The following ADGRL4 variants were observed in gnomAD, a reference collection of about 807,000 sequenced individuals.
The protein encoded by ADGRL4 is EGF, latrophilin and seven transmembrane domain containing 1.
A neutral mutation model predicts 74.8 loss-of-function variants in ADGRL4; 90 were observed. The ratio of observed to expected loss-of-function variants is 1.20; its 90% CI spans 1.02 to 1.43. The LOEUF is 1.43. ADGRL4 is among the 40% of genes most tolerant of loss of function. ADGRL4 has a pLI of 0.00. For missense variants in ADGRL4, 881 were observed against 814.3 expected (o/e 1.08, Z -1.00); for synonymous variants, 311 against 279.2 (o/e 1.11, Z -1.14).
chr1:78,991,163 T>A (rs1310396213), intron 2 of ADGRL4, among the ~76,000 whole-genome samples: 1 of 152,102 alleles, frequency 6.6e-6, no homozygotes, highest in Non-Finnish European at 1.5e-5. Context: ...AGACTTACGA[T>A]GTGTTCTTGT....
At position 78,889,924 on chromosome 1, in the gene ADGRL4, C is replaced by T; in HGVS notation, c.*1230G>A. 7.8e-6 allele frequency: 3 copies of T among 386,254 alleles called. No homozygotes were observed. Among genetic ancestry groups the T allele is most frequent in the Admixed American group, 7.0e-5 (2 of 28,372 alleles). 23.9% of individuals were successfully genotyped at this position (386,254 alleles called of 1,614,324 possible). On this transcript the variant is annotated 3_prime_UTR_variant, in exon 15 of 15. Coordinates refer to ENST00000370742, the MANE Select transcript of ADGRL4 (RefSeq NM_022159.4). ...TTTGAGATCAAAATCACTGCTTATA[C>T]ATTTTAATGAGAAGATTTAAAGACA... is the stretch of plus-strand genomic sequence containing the variant.
Position 78,889,851 on chromosome 1 carries a change from T to C in ADGRL4, c.*1303A>G. 2.1e-6 allele frequency: 1 copy of C among 465,332 alleles called. No homozygotes were observed. The highest frequency in any genetic ancestry group is 4.5e-6 in the Non-Finnish European group (1 of 224,430). The allele number at this position is 465,332 out of a possible 1,614,324, so 28.8% of individuals were successfully genotyped here. ...AGGAATTAATTTAAAATCACAAATTTAGTGTATTGGCACACTTTTACAGGT... is the reference window on the plus strand; with the variant it reads ...AGGAATTAATTTAAAATCACAAATTCAGTGTATTGGCACACTTTTACAGGT... On this transcript the variant is annotated 3_prime_UTR_variant, in exon 15 of 15. Transcript: ENST00000370742.
chr1:78,947,187 T>C (rs1052561298), intron 2 of ADGRL4, among the ~76,000 whole-genome samples: 1 of 152,134 alleles, frequency 6.6e-6, no homozygotes, highest in African/African-American at 2.4e-5. Flanking sequence ...CTGTTTTGGG[T>C]TAAAAAACAT....
intron 12 of ADGRL4, among the ~76,000 whole-genome samples, chr1:78,912,499 G>A (rs1489133101): frequency 6.6e-6 from 1 of 151,812 alleles, no homozygotes; most frequent in East Asian, 1.9e-4. Context: ...TGTGCAATGT[G>A]CATGCAAGGG....
chr1:78,926,886 C>G lies in ADGRL4; in HGVS notation c.1083G>C (p.Lys361Asn). ...EKITFTLSHR[K>N]VTDRYRSLCA... is the part of the protein sequence containing the mutation. ...AATAACTACCAGAAAAACAGCTTAC[C>G]TTTCGATGACTTAATGTAAATGTTA... The change falls in exon 8 of 15, where the codon AAG becomes AAC. Residue 361 changes from lysine to asparagine, a missense_variant and splice_region_variant. Coordinates refer to ENST00000370742, the MANE Select transcript of ADGRL4 (RefSeq NM_022159.4). The G allele has an allele frequency of 6.2e-7, 1 of 1,608,534 alleles. No individual in the cohort carries two copies. The highest frequency in any genetic ancestry group is 8.5e-7 in the Non-Finnish European group (1 of 1,176,108).
chr1:78,896,065 C>A (rs1007836686), intron 12 of ADGRL4, among the ~76,000 whole-genome samples: 2 of 151,858 alleles, frequency 1.3e-5, no homozygotes, highest in Non-Finnish European at 2.9e-5. Flanking sequence ...AATCATTGAA[C>A]CTATTTATGT....
At chr1:78,931,343 C>T (rs917608770) in intron 7 of ADGRL4, among the ~76,000 whole-genome samples, 22 of 151,256 alleles carry the variant, frequency 1.5e-4, no homozygotes, top group Non-Finnish European at 1.5e-4. Flanking sequence ...GCTTCACAAG[C>T]GAAGGAGAAA....
In ADGRL4 at chr1:78,937,801, T is replaced by C. The variant is rs1447888249; in HGVS notation, c.760+6A>G. The C allele has an allele frequency of 1.3e-6, 2 of 1,597,520 alleles. No homozygotes were observed. Among genetic ancestry groups the C allele is most frequent in the Non-Finnish European group, 1.7e-6 (2 of 1,175,534 alleles). ...AATTACTTTTAAATGGACCCTTGTT[T>C]CTTACCTATATCCGTTGAATTTGTA... is the stretch of plus-strand genomic sequence containing the variant. On this transcript the variant is annotated splice_donor_region_variant and intron_variant, in intron 6 of 14. Transcript: ENST00000370742.
At chr1:78,934,406 G>T (rs911374946) in intron 7 of ADGRL4, among the ~76,000 whole-genome samples, 3 of 152,110 alleles carry the variant, frequency 2.0e-5, no homozygotes, top group African/African-American at 4.8e-5. Flanking sequence ...ATTAACTCAA[G>T]ATGGATTAAA....
At chr1:78,974,333 T>A (rs1650236237) in intron 2 of ADGRL4, among the ~76,000 whole-genome samples, 1 of 152,134 alleles carries the variant, frequency 6.6e-6, no homozygotes, top group Non-Finnish European at 1.5e-5. Flanking sequence ...ACATTTTCAG[T>A]TATTTATTGA....
chr1:78,893,163 G>C lies in ADGRL4; in HGVS notation c.1776C>G (p.Ile592Met), dbSNP rs370509744. The change falls in exon 13 of 15, where the codon ATC (isoleucine) becomes ATG (methionine). Residue 592 changes from isoleucine (I) to methionine (M), a missense_variant. Coordinates refer to ENST00000370742, the MANE Select transcript of ADGRL4 (RefSeq NM_022159.4). The part of the protein sequence containing the change: ...ILVNLLAFGV[I>M]IYKVFRHTAG... Reference sequence around the variant, plus strand: ...CAGTGTGACGAAAAACTTTGTATATGATGACTCCAAAAGCCAAGAGATTAA... The same window carrying C: ...CAGTGTGACGAAAAACTTTGTATATCATGACTCCAAAAGCCAAGAGATTAA... 75 of 1,602,308 alleles carry C rather than the reference G, an allele frequency of 4.7e-5. No homozygotes were observed. Among genetic ancestry groups the C allele is most frequent in the Non-Finnish European group, 5.7e-5 (67 of 1,174,936 alleles).
chr1:78,907,574 C>T (rs1354053199), intron 12 of ADGRL4, among the ~76,000 whole-genome samples: 1 of 151,930 alleles, frequency 6.6e-6, no homozygotes, highest in Admixed American at 6.6e-5. Context: ...AAAAAATGGG[C>T]TTCTATGAAA....
In ADGRL4 at chr1:78,936,423, C is replaced by T. The variant is rs1220144967; in HGVS notation, c.761-12G>A. 1 of 1,551,250 alleles carries T rather than the reference C, an allele frequency of 6.4e-7. No homozygotes were observed. The highest frequency in any genetic ancestry group is 1.4e-5 in the African/African-American group (1 of 71,090). ...GAAAACTTTGAGAGCTGAAACAAAACCATGAAAATAAAAAAAGTGAAATTA... is the reference window on the plus strand; with the variant it reads ...GAAAACTTTGAGAGCTGAAACAAAATCATGAAAATAAAAAAAGTGAAATTA... On this transcript the variant is annotated splice_polypyrimidine_tract_variant and intron_variant, in intron 6 of 14. Transcript: ENST00000370742.
chr1:78,942,896 C>G (rs554767924), intron 3 of ADGRL4, among the ~76,000 whole-genome samples: 142 of 152,178 alleles, frequency 9.3e-4, no homozygotes, highest in Middle Eastern at 3.4e-3. Flanking sequence ...CACCACTGCA[C>G]TCCAGCCTGG....
intron 13 of ADGRL4, among the ~76,000 whole-genome samples, chr1:78,892,731 G>A (rs1648309370): frequency 1.3e-5 from 2 of 152,024 alleles, no homozygotes; most frequent in Admixed American, 6.6e-5. Flanking sequence ...TAAAGCGGGA[G>A]GGTGGGTGTA....
At chr1:78,963,045 A>G (rs1649985811) in intron 2 of ADGRL4, among the ~76,000 whole-genome samples, 1 of 152,208 alleles carries the variant, frequency 6.6e-6, no homozygotes, top group Non-Finnish European at 1.5e-5. Context: ...GAGATTCTCA[A>G]GGAAAAAAGA....
At chr1:78,968,476 A>T (rs912241009) in intron 2 of ADGRL4, among the ~76,000 whole-genome samples, 14 of 114,440 alleles carry the variant, frequency 1.2e-4, no homozygotes, top group African/African-American at 4.7e-4. Context: ...GGGATGCATA[A>T]TCGCTCTCTA....
At chr1:78,984,965 G>C (rs919139786) in intron 2 of ADGRL4, among the ~76,000 whole-genome samples, 5 of 151,612 alleles carry the variant, frequency 3.3e-5, no homozygotes, top group Admixed American at 6.6e-5. Context: ...AACTAGTACT[G>C]TCTGAAATCT....
intron 2 of ADGRL4, among the ~76,000 whole-genome samples, chr1:79,002,315 T>C (rs1650860766): frequency 6.6e-6 from 1 of 152,134 alleles, no homozygotes; most frequent in Non-Finnish European, 1.5e-5. Flanking sequence ...ATGTCCCCCA[T>C]ATATTAGTTT....
Sources: allele counts gnomAD v4.1 joint callset (sites outside exome capture counted in the v4.1 genomes callset), GRCh38; gene constraint gnomAD v4.1.1; transcripts MANE v1.5; gene names NCBI Gene and HGNC (gene_info 2026-07-23, HGNC 2026-07-21).